PEX14: variants seen among roughly 807,000 people sequenced by gnomAD.
The protein encoded by PEX14 is peroxisomal biogenesis factor 14, also known as peroxisomal membrane protein PEX14.
Under a neutral mutation model 49.5 loss-of-function variants are expected in PEX14, and 15 were observed. That is an observed-to-expected ratio of 0.30 (90% CI 0.20 to 0.47). The LOEUF (loss-of-function observed/expected upper bound fraction) is 0.47. PEX14 is among the 20% of genes least tolerant of loss of function. The probability of loss-of-function intolerance (pLI) is 1.00; values close to 1 mark genes in which losing one functional copy is unlikely to be tolerated. For missense variants in PEX14, 398 were observed against 494.8 expected, an observed-to-expected ratio of 0.80 and a Z score of 1.86; for synonymous variants, 210 against 212.7, an observed-to-expected ratio of 0.99 and a Z score of 0.11.
At position 10,494,360 on chromosome 1, in the gene PEX14, T is replaced by A. The variant is rs1641520547; in HGVS notation, c.37-914T>A. Among the ~76,000 whole-genome samples the A allele has an allele frequency of 6.6e-6, 1 of 152,228 alleles. No individual in the cohort carries two copies. Among genetic ancestry groups the A allele is most frequent in the Non-Finnish European group, 1.5e-5 (1 of 68,026 alleles). ...GGACACACAGATTTTGCTGCACTTG[T>A]CTGGATATTAACTGTAGATAGATGG... is the stretch of plus-strand genomic sequence containing the variant. On this transcript the variant is annotated intron_variant, in intron 1 of 8. Transcript: ENST00000356607. The surrounding 1 kb of genome is among the most constrained non-coding windows in gnomAD (Gnocchi z 4.3).
Position 10,560,245 on chromosome 1 carries a change from C to T in PEX14, c.169+23948C>T, listed in dbSNP as rs530864891. On this transcript the variant is annotated intron_variant, in intron 3 of 8. Coordinates refer to ENST00000356607, the MANE Select transcript of PEX14 (RefSeq NM_004565.3). ...GCTAATTTTGTATTTTTAGTAGAGA[C>T]GGTGTTTCTCCATGTTGGTCAGACT... 1.1e-4 allele frequency among the ~76,000 whole-genome samples: 17 copies of T among 151,842 alleles called. 1 individual carries two copies. The highest frequency in any genetic ancestry group is 5.2e-4 in the Admixed American group (8 of 15,250).
At chr1:10,593,226 A>C (rs542046572) in intron 3 of PEX14, among the ~76,000 whole-genome samples, 1 of 152,300 alleles carries the variant, frequency 6.6e-6, no homozygotes, top group African/African-American at 2.4e-5. Flanking sequence ...TGCAAGTTTT[A>C]ATGAGAGGTG....
Position 10,613,917 on chromosome 1 carries a change from T to A in PEX14, c.299-4415T>A, listed in dbSNP as rs1017033439. On this transcript the variant is annotated intron_variant, in intron 4 of 8. Coordinates refer to ENST00000356607, the MANE Select transcript of PEX14 (RefSeq NM_004565.3). The surrounding 1 kb of genome is among the most constrained non-coding windows in gnomAD (Gnocchi z 5.0). ...AGCCCACTCATTCTCTTCCTTTTCT[T>A]CCCAGCTAGAGAAGAGTGACTGCCC... Among the ~76,000 whole-genome samples the A allele has an allele frequency of 4.6e-5, 7 of 152,172 alleles. No homozygotes were observed. The highest frequency in any genetic ancestry group is 1.3e-4 in the Admixed American group (2 of 15,276).
intron 3 of PEX14, among the ~76,000 whole-genome samples, chr1:10,560,592 A>G (rs1375135618): frequency 6.6e-6 from 1 of 151,402 alleles, no homozygotes; most frequent in East Asian, 1.9e-4. Flanking sequence ...GCTGGTCTCA[A>G]ACTTCTGACC....
chr1:10,573,286 A>G (rs1302710936), intron 3 of PEX14, among the ~76,000 whole-genome samples: 1 of 152,222 alleles, frequency 6.6e-6, no homozygotes. Flanking sequence ...CCTAATTTTT[A>G]AAGTGTACAG....
At chr1:10,593,753 T>A (rs1640742152) in intron 3 of PEX14, among the ~76,000 whole-genome samples, 1 of 152,218 alleles carries the variant, frequency 6.6e-6, no homozygotes, top group South Asian at 2.1e-4. Context: ...TATAATATTT[T>A]TTTTGTTCTC....
chr1:10,528,630 C>G (rs528395655), intron 2 of PEX14, among the ~76,000 whole-genome samples: 1 of 152,316 alleles, frequency 6.6e-6, no homozygotes, highest in African/African-American at 2.4e-5. Flanking sequence ...TGGGTGCTCT[C>G]TGCTTCCTCT....
intron 3 of PEX14, among the ~76,000 whole-genome samples, chr1:10,544,058 A>T (rs1018108274): frequency 2.6e-5 from 4 of 152,224 alleles, no homozygotes; most frequent in African/African-American, 9.7e-5. Context: ...GTAGAGATGG[A>T]AATAGAAATG....
chr1:10,628,335 T>G lies in PEX14; in HGVS notation c.677+972T>G, dbSNP rs1641812127. ...CCTGGGCTGATGCCCTAGTGGGCCT[T>G]GCATGGGGTGTCCTTGTTTCCCTGC... On this transcript the variant is annotated intron_variant, in intron 8 of 8. Coordinates refer to ENST00000356607, the MANE Select transcript of PEX14 (RefSeq NM_004565.3). The surrounding 1 kb of genome is among the most constrained non-coding windows in gnomAD (Gnocchi z 4.5). 6.6e-6 allele frequency among the ~76,000 whole-genome samples: 1 copy of G among 152,256 alleles called. No homozygotes were observed. The highest frequency in any genetic ancestry group is 2.4e-5 in the African/African-American group (1 of 41,476).
intron 2 of PEX14, among the ~76,000 whole-genome samples, chr1:10,515,817 C>T (rs1641960040): frequency 6.6e-6 from 1 of 152,122 alleles, no homozygotes; most frequent in Non-Finnish European, 1.5e-5. Flanking sequence ...CCTGGAACTC[C>T]ACTGTGTGCT....
At chr1:10,533,598 C>G (rs536759498) in intron 2 of PEX14, among the ~76,000 whole-genome samples, 1 of 152,292 alleles carries the variant, frequency 6.6e-6, no homozygotes, top group African/African-American at 2.4e-5. Flanking sequence ...TTACTAATGA[C>G]AGAGCACTCC....
At chr1:10,528,232 C>G in intron 2 of PEX14, 1 of 737,506 alleles carries the variant, frequency 1.4e-6, no homozygotes, top group Non-Finnish European at 1.7e-6. Flanking sequence ...TCTTCGTCTC[C>G]TTCCTAATCA....
intron 3 of PEX14, among the ~76,000 whole-genome samples, chr1:10,563,072 T>G (rs1298448603): frequency 1.0e-5 from 1 of 98,492 alleles, no homozygotes; most frequent in Non-Finnish European, 2.0e-5. Flanking sequence ...CCACCATGCC[T>G]GGCTAATTTT....
At chr1:10,478,686 C>T (rs1641234581) in intron 1 of PEX14, among the ~76,000 whole-genome samples, 1 of 152,020 alleles carries the variant, frequency 6.6e-6, no homozygotes, top group African/African-American at 2.4e-5. Context: ...TCAGGCAATC[C>T]TTTCGTCTCA....
At chr1:10,538,615 G>A (rs542774972) in intron 3 of PEX14, among the ~76,000 whole-genome samples, 3 of 152,242 alleles carry the variant, frequency 2.0e-5, no homozygotes, top group Non-Finnish European at 2.9e-5. Flanking sequence ...AAGCCCCTTC[G>A]CAGATTTAAG....
chr1:10,501,208 CTTT>C (rs1641671021), intron 2 of PEX14, among the ~76,000 whole-genome samples: 1 of 152,224 alleles, frequency 6.6e-6, no homozygotes, highest in African/African-American at 2.4e-5. Context: ...ACTTCCACCT[CTTT>C]TTCCTGCTCA....
chr1:10,530,364 T>G (rs924339963), intron 2 of PEX14, among the ~76,000 whole-genome samples: 1 of 152,264 alleles, frequency 6.6e-6, no homozygotes, highest in Non-Finnish European at 1.5e-5. Flanking sequence ...GCAAAACATT[T>G]CATTTTCCCT....
At chr1:10,591,756 T>C (rs1640675792) in intron 3 of PEX14, among the ~76,000 whole-genome samples, 1 of 151,796 alleles carries the variant, frequency 6.6e-6, no homozygotes, top group African/African-American at 2.4e-5. Context: ...GGGGTGTTAA[T>C]TCTGAGAGTT....
intron 2 of PEX14, among the ~76,000 whole-genome samples, chr1:10,507,518 T>C (rs1163872717): frequency 1.3e-5 from 2 of 152,234 alleles, no homozygotes; most frequent in East Asian, 3.9e-4. Flanking sequence ...TCTGCACCCA[T>C]GTACCTCACT....
Sources: gnomAD v4.1 joint callset for allele counts (sites outside exome capture counted in the v4.1 genomes callset) on GRCh38, gnomAD v4.1.1 for gene constraint, Gnocchi (gnomAD v3.1) non-coding constraint, MANE v1.5 for transcripts, NCBI Gene and HGNC (gene_info 2026-07-23, HGNC 2026-07-21) for gene names.